The following ARHGAP32 variants were observed in gnomAD, a reference collection of about 807,000 sequenced individuals.
The protein encoded by ARHGAP32 is rho GTPase-activating protein 32.
ARHGAP32 carries 51 observed loss-of-function variants against 186.5 expected under a neutral mutation model. The ratio of observed to expected loss-of-function variants is 0.27; its 90% CI spans 0.22 to 0.35. The LOEUF is 0.35. ARHGAP32 is among the 10% of genes least tolerant of loss of function. The pLI is 1.00. For synonymous variants in ARHGAP32, 950 were observed against 964.3 expected (o/e 0.99, Z 0.27); for missense variants, 2,186 against 2,623.5 (o/e 0.83, Z 3.64).
At chr11:129,084,438 T>G (rs1241645745) in intron 6 of ARHGAP32, among the ~76,000 whole-genome samples, 1 of 150,730 alleles carries the variant, frequency 6.6e-6, no homozygotes, top group Admixed American at 6.6e-5. Context: ...TCCAACAATA[T>G]ATAAAAACAA....
At chr11:129,027,110 A>T (rs1460116632) in intron 11 of ARHGAP32, among the ~76,000 whole-genome samples, 3 of 151,804 alleles carry the variant, frequency 2.0e-5, no homozygotes, top group South Asian at 4.2e-4. Context: ...AAAAAAAAAA[A>T]AAAAAATTAC....
At chr11:129,268,483 T>C (rs1207933528) in intron 1 of ARHGAP32, among the ~76,000 whole-genome samples, 1 of 151,966 alleles carries the variant, frequency 6.6e-6, no homozygotes, top group Non-Finnish European at 1.5e-5. Context: ...GGAATTCTGA[T>C]ATTAGAGAAA....
At chr11:129,101,124 T>C (rs1941885274) in intron 5 of ARHGAP32, among the ~76,000 whole-genome samples, 2 of 152,018 alleles carry the variant, frequency 1.3e-5, no homozygotes, top group African/African-American at 4.8e-5. Flanking sequence ...CCCAAAAATT[T>C]CCAGAAATGA....
In ARHGAP32 at chr11:129,023,697, A is replaced by C. The variant is rs557105844; in HGVS notation, c.1045+17231T>G. ...TTTTTGACAAACATGACAAATACTA[A>C]TGTTCAAGTGCTGAATTTCTAGATA... On this transcript the variant is annotated intron_variant, in intron 11 of 22. Coordinates refer to ENST00000682385, the MANE Select transcript of ARHGAP32 (RefSeq NM_001378024.1). Among the ~76,000 whole-genome samples the C allele has an allele frequency of 2.0e-5, 3 of 152,310 alleles. No homozygotes were observed. In the East Asian group the frequency reaches 5.8e-4, roughly 29 times the overall value.
At chr11:129,215,688 G>A (rs958437767) in intron 1 of ARHGAP32, among the ~76,000 whole-genome samples, 4 of 152,004 alleles carry the variant, frequency 2.6e-5, no homozygotes, top group East Asian at 1.9e-4. Flanking sequence ...CTGAGAATCC[G>A]TGTGATTACC....
intron 11 of ARHGAP32, among the ~76,000 whole-genome samples, chr11:128,999,189 G>C (rs1166039259): frequency 6.6e-6 from 1 of 152,186 alleles, no homozygotes; most frequent in Non-Finnish European, 1.5e-5. Flanking sequence ...GAAAGAGAAT[G>C]CATTCCCAGG....
intron 1 of ARHGAP32, among the ~76,000 whole-genome samples, chr11:129,191,546 G>C (rs1459378130): frequency 6.6e-6 from 1 of 151,906 alleles, no homozygotes; most frequent in Non-Finnish European, 1.5e-5. Flanking sequence ...GGGGGAAAGG[G>C]GGCATGAGAT....
upstream of ARHGAP32, among the ~76,000 whole-genome samples, chr11:129,193,165 G>C (rs1944299641): frequency 1.3e-5 from 2 of 151,660 alleles, no homozygotes; most frequent in South Asian, 2.1e-4. Flanking sequence ...AAGTCTTCTT[G>C]AATTTTCATA....
chr11:129,079,013 C>T (rs780493992), intron 6 of ARHGAP32, among the ~76,000 whole-genome samples: 1 of 151,804 alleles, frequency 6.6e-6, no homozygotes, highest in African/African-American at 2.4e-5. Flanking sequence ...AAAGAAGGAA[C>T]TTCAGAACCC....
intron 10 of ARHGAP32, among the ~76,000 whole-genome samples, chr11:129,057,061 G>T (rs1047988382): frequency 6.6e-6 from 1 of 152,150 alleles, no homozygotes; most frequent in Non-Finnish European, 1.5e-5. Context: ...CCAGTTGACA[G>T]GGTTCACATG....
chr11:129,090,725 G>A (rs1335725670), intron 6 of ARHGAP32, among the ~76,000 whole-genome samples: 1 of 152,090 alleles, frequency 6.6e-6, no homozygotes, highest in Non-Finnish European at 1.5e-5. Context: ...AAAGAATAAA[G>A]CACTAAAAGA....
At chr11:129,193,548 TAATA>T (rs1227091567), upstream of ARHGAP32, among the ~76,000 whole-genome samples, 177 of 46,432 alleles carry the variant, frequency 3.8e-3, 5 homozygotes, top group South Asian at 0.037. Flanking sequence ...ATATTATATA[TAATA>T]TATATATATT....
intron 1 of ARHGAP32, among the ~76,000 whole-genome samples, chr11:129,270,762 G>A (rs1170195646): frequency 2.6e-5 from 4 of 151,918 alleles, no homozygotes; most frequent in Admixed American, 2.6e-4. Context: ...TGAGACTGTG[G>A]CTCAGTGAAC....
chr11:129,190,640 C>T (rs1342857405), intron 1 of ARHGAP32, among the ~76,000 whole-genome samples: 1 of 152,156 alleles, frequency 6.6e-6, no homozygotes, highest in Non-Finnish European at 1.5e-5. Flanking sequence ...TCTAGGATTA[C>T]AGTACCAAAT....
chr11:128,969,182 C>T lies in ARHGAP32; in HGVS notation c.6031G>A (p.Val2011Met), dbSNP rs141193303. ...HSLKLHHTQN[V>M]ERDPSVLYQY... The stretch of plus-strand genomic sequence containing the variant: ...TACAGCACACTGGGGTCCCTCTCCA[C>T]GTTCTGGGTATGATGGAGTTTGAGG... Residue 2011 changes from valine to methionine, a missense_variant, in exon 23 of 23, where the codon GTG (valine) becomes ATG (methionine). Around this residue, in one of 5 missense-constraint regions of ARHGAP32, gnomAD observed 1,502 missense variants for 1,570.0 expected, o/e 0.96. Coordinates refer to ENST00000682385, the MANE Select transcript of ARHGAP32 (RefSeq NM_001378024.1). The surrounding 1 kb of genome is among the most constrained non-coding windows in gnomAD (Gnocchi z 4.8). The T allele has an allele frequency of 3.2e-5, 52 of 1,613,540 alleles. No individual in the cohort carries two copies. In the African/African-American group the frequency reaches 4.8e-4, roughly 15 times the overall value.
At chr11:129,181,148 G>A (rs552389764) in intron 1 of ARHGAP32, among the ~76,000 whole-genome samples, 1 of 151,998 alleles carries the variant, frequency 6.6e-6, no homozygotes, top group South Asian at 2.1e-4. Context: ...TCTTCCGATC[G>A]GTTTTTGTTT....
chr11:129,238,766 C>CAA (rs1450164509), intron 1 of ARHGAP32, among the ~76,000 whole-genome samples: 54 of 144,068 alleles, frequency 3.7e-4, no homozygotes, highest in African/African-American at 1.4e-3. Context: ...AACACACACA[C>CAA]ACACACACAC....
At chr11:128,985,858 G>GTGTGTATGTATA (rs760311247) in intron 15 of ARHGAP32, 145 bp downstream of exon 15, 1 of 95,312 alleles carries the variant, frequency 1.0e-5, no homozygotes, top group Non-Finnish European at 1.9e-5. Context: ...GTGTGTGTGT[G>GTGTGTATGTATA]TATATATATA....
At chr11:129,189,015 A>G (rs1944221515) in intron 1 of ARHGAP32, among the ~76,000 whole-genome samples, 1 of 152,200 alleles carries the variant, frequency 6.6e-6, no homozygotes, top group African/African-American at 2.4e-5. Context: ...TAGGTGTCCT[A>G]GAGGTCACAT....
Sources: allele counts gnomAD v4.1 joint callset (sites outside exome capture counted in the v4.1 genomes callset), GRCh38; gene constraint gnomAD v4.1.1; regional missense constraint gnomAD v4.1.1; non-coding constraint Gnocchi (gnomAD v3.1); transcripts MANE v1.5; gene names NCBI Gene and HGNC (gene_info 2026-07-23, HGNC 2026-07-21).